The following GDPGP1 variants were observed in gnomAD, a reference collection of about 807,000 sequenced individuals.
GDPGP1 encodes GDP-D-glucose phosphorylase C15orf58.
GDPGP1 carries 18 observed loss-of-function variants against 19.2 expected under a neutral mutation model. The observed-to-expected ratio is 0.94, with a 90% confidence interval of 0.65 to 1.39. The LOEUF is 1.39. GDPGP1 is among the 40% of genes most tolerant of loss of function. GDPGP1 has a pLI of 0.00. For synonymous variants in GDPGP1, 219 were observed against 208.9 expected, an observed-to-expected ratio of 1.05 and a Z score of -0.42; for missense variants, 449 against 490.5, an observed-to-expected ratio of 0.92 and a Z score of 0.80.
chr15:90,235,128 C>T (rs1398987209), intron 2 of GDPGP1, among the ~76,000 whole-genome samples: 1 of 152,228 alleles, frequency 6.6e-6, no homozygotes, highest in Non-Finnish European at 1.5e-5. Context: ...CTCAGTCCCT[C>T]TTCCATCTCA....
rs1306826831 is a variant in GDPGP1, at chr15:90,245,052, G to C, written c.*2986G>C. 4 of 152,208 alleles carry C rather than the reference G, an allele frequency of 2.6e-5. No individual in the cohort carries two copies. The highest frequency in any genetic ancestry group is 9.7e-5 in the African/African-American group (4 of 41,448). The allele number at this position is 152,208 out of a possible 1,614,324, so 9.4% of individuals were successfully genotyped here. Reference sequence around the variant, plus strand: ...TAGCCCTGGCTTAGGCCTTCAGGTCGTTGGCTCCCTATACCTAGGCCTGTA... The same window carrying C: ...TAGCCCTGGCTTAGGCCTTCAGGTCCTTGGCTCCCTATACCTAGGCCTGTA... On this transcript the variant is annotated 3_prime_UTR_variant, in exon 4 of 4. Transcript: ENST00000329600.
Position 90,241,326 on chromosome 15 carries a change from C to A in GDPGP1, c.418C>A (p.Arg140=), listed in dbSNP as rs147221532. The change falls in exon 4 of 4, where the codon CGG becomes AGG. Residue 140 remains arginine, a synonymous_variant. Transcript: ENST00000329600. ...CGGAGAAGTCCTCTTCCGTTTGCAC[C>A]GGGAGCCTGATCTCCCTGGGACTCT... ...RPGEVLFRLH[R]EPDLPGTLLQ... 6 of 1,614,192 alleles carry A rather than the reference C, an allele frequency of 3.7e-6. No homozygotes were observed. In the South Asian group the frequency reaches 4.4e-5, roughly 12 times the overall value.
chr15:90,234,395 G>C (rs1962587749), intron 1 of GDPGP1, 103 bp downstream of exon 1: 1 of 153,084 alleles, frequency 6.5e-6, no homozygotes, highest in South Asian at 2.1e-4. Flanking sequence ...CTGAGTGGCG[G>C]GGGTCGTCGG....
rs78054010 is a variant in GDPGP1, at chr15:90,240,933, G to T, written c.25G>T (p.Glu9Ter). ...TATGGCTCTTCCACATGATTCAAAC[G>T]AAACTTCCTATTTGCTGCCTCCCAA... MALPHDSN[E>*]TSYLLPPNNE... Residue 9 changes from glutamate to a stop codon, truncating the protein, a stop_gained, in exon 4 of 4, where the codon GAA becomes TAA. Transcript: ENST00000329600. LOFTEE classifies it high-confidence loss of function. The T allele has an allele frequency of 6.2e-7, 1 of 1,613,730 alleles. No individual in the cohort carries two copies. Among genetic ancestry groups the T allele is most frequent in the Non-Finnish European group, 8.5e-7 (1 of 1,179,846 alleles).
In GDPGP1 at chr15:90,241,971, G is replaced by A. The variant is rs1567073471; in HGVS notation, c.1063G>A (p.Ala355Thr). The A allele has an allele frequency of 9.3e-6, 15 of 1,614,216 alleles. No individual in the cohort carries two copies. The highest frequency in any genetic ancestry group is 1.2e-5 in the Non-Finnish European group (14 of 1,180,044). The stretch of plus-strand genomic sequence containing the variant: ...CTTCAGCAGCCTGACAGAGGCAGCT[G>A]CTGTGGCCCTCATTCAGGACTGTCG... ...QDFSSLTEAA[A>T]VALIQDCRLP... Residue 355 changes from alanine (A) to threonine (T), a missense_variant, in exon 4 of 4, where the codon GCT (alanine) becomes ACT (threonine). By Grantham distance (58) the Ala-to-Thr change is moderately conservative. Transcript: ENST00000329600.
chr15:90,241,318 G>A lies in GDPGP1; in HGVS notation c.410G>A (p.Arg137His), dbSNP rs143773020. The A allele has an allele frequency of 1.5e-4, 240 of 1,614,156 alleles. No individual in the cohort carries two copies. In the African/African-American group the frequency reaches 2.8e-3, roughly 19 times the overall value. ...ATCCGGCCCGGAGAAGTCCTCTTCC[G>A]TTTGCACCGGGAGCCTGATCTCCCT... ...NKIRPGEVLF[R>H]LHREPDLPGT... The change falls in exon 4 of 4, where the codon CGT becomes CAT. Residue 137 changes from arginine to histidine, a missense_variant. Physicochemically the swap from Arg to His is conservative, Grantham distance 29 (BLOSUM62 0). Transcript: ENST00000329600.
Position 90,241,331 on chromosome 15 carries a change from G to C in GDPGP1, c.423G>C (p.Glu141Asp). Residue 141 changes from glutamate to aspartate, a missense_variant, in exon 4 of 4, where the codon GAG becomes GAC. Transcript: ENST00000329600. Reference sequence around the variant, plus strand: ...AAGTCCTCTTCCGTTTGCACCGGGAGCCTGATCTCCCTGGGACTCTGCTGC... The same window carrying C: ...AAGTCCTCTTCCGTTTGCACCGGGACCCTGATCTCCCTGGGACTCTGCTGC... ...PGEVLFRLHR[E>D]PDLPGTLLQE... 3 of 1,614,234 alleles carry C rather than the reference G, an allele frequency of 1.9e-6. No individual in the cohort carries two copies. Among genetic ancestry groups the C allele is most frequent in the Non-Finnish European group, 2.5e-6 (3 of 1,180,056 alleles).
Position 90,235,416 on chromosome 15 carries a change from A to T in GDPGP1, c.-67+820A>T, listed in dbSNP as rs550977216. ...CCCCATCTCTACTAAAAATACAAAAATTAGCCAGACATGGTTAAACCTGGG... is the reference window on the plus strand; with the variant it reads ...CCCCATCTCTACTAAAAATACAAAATTTAGCCAGACATGGTTAAACCTGGG... On this transcript the variant is annotated intron_variant, in intron 2 of 3. Transcript: ENST00000329600. Among the ~76,000 whole-genome samples the T allele has an allele frequency of 2.5e-4, 38 of 152,216 alleles. 1 individual carries two copies. In the South Asian group the frequency reaches 5.0e-3, roughly 20 times the overall value.
At position 90,242,120 on chromosome 15, in the gene GDPGP1, A is replaced by T; in HGVS notation, c.*54A>T. ...TTCTTTTCTTTTGAGATAGGGTCTC[A>T]CTCTGTCCCCAGGCTAGAGTGTAGT... On this transcript the variant is annotated 3_prime_UTR_variant, in exon 4 of 4. Coordinates refer to ENST00000329600, the MANE Select transcript of GDPGP1 (RefSeq NM_001013657.3). 1 of 1,428,148 alleles carries T rather than the reference A, an allele frequency of 7.0e-7. No homozygotes were observed. The highest frequency in any genetic ancestry group is 9.5e-7 in the Non-Finnish European group (1 of 1,048,234). The allele number at this position is 1,428,148 out of a possible 1,614,324, so 88.5% of individuals were successfully genotyped here.
chr15:90,242,749 G>A lies in GDPGP1; in HGVS notation c.*683G>A, dbSNP rs1962793838. The A allele has an allele frequency of 6.6e-6, 1 of 152,208 alleles. No homozygotes were observed. The highest frequency in any genetic ancestry group is 2.4e-5 in the African/African-American group (1 of 41,424). 9.4% of individuals were successfully genotyped at this position (152,208 alleles called of 1,614,324 possible). On this transcript the variant is annotated 3_prime_UTR_variant, in exon 4 of 4. Coordinates refer to ENST00000329600, the MANE Select transcript of GDPGP1 (RefSeq NM_001013657.3). ...GGCGTGAGCCACCACACCCAGCCAG[G>A]ATGTATTCATTTTCTACCTGATGAG...
rs1962808995 is a variant in GDPGP1, at chr15:90,243,627, C to T, written c.*1561C>T. 7.0e-6 allele frequency: 1 copy of T among 143,498 alleles called. No individual in the cohort carries two copies. The highest frequency in any genetic ancestry group is 1.5e-5 in the Non-Finnish European group (1 of 66,546). 8.9% of individuals were successfully genotyped at this position (143,498 alleles called of 1,614,324 possible). A position where few individuals can be genotyped will look rare whatever the true frequency, so the allele number is the denominator to read the frequency against. ...CTCCCAGAGTGCTAAGATGCCACCA[C>T]ACCTTGGTGCAGGTTTTTTTTTTTT... On this transcript the variant is annotated 3_prime_UTR_variant, in exon 4 of 4. Transcript: ENST00000329600.
In GDPGP1 at chr15:90,241,139, C is replaced by T. The variant is rs1962745520; in HGVS notation, c.231C>T (p.Arg77=). 3 of 1,614,166 alleles carry T rather than the reference C, an allele frequency of 1.9e-6. No homozygotes were observed. Among genetic ancestry groups the T allele is most frequent in the East Asian group, 2.2e-5 (1 of 44,886 alleles). ...AGCGGGTGGAGCTGGGGCTGTTTCG[C>T]TACCGTCTACGGGAGCTACAGACCC... ...WKQRVELGLF[R]YRLRELQTQI... Residue 77 remains arginine (R), a synonymous_variant, in exon 4 of 4, where the codon CGC becomes CGT. Coordinates refer to ENST00000329600, the MANE Select transcript of GDPGP1 (RefSeq NM_001013657.3).
rs1451523964 is a variant in GDPGP1 at position 90,242,040 on chromosome 15, G to A, written c.1132G>A (p.Ala378Thr). The A allele has an allele frequency of 1.2e-6, 2 of 1,609,258 alleles. No homozygotes were observed. The highest frequency in any genetic ancestry group is 4.5e-5 in the East Asian group (2 of 44,802). ...QAEDVQAALV[A>T]LMSQEEQ is the part of the protein sequence containing the mutation. ...AGAAGACGTACAGGCAGCACTGGTG[G>A]CCCTGATGTCCCAGGAAGAGCAATA... The change falls in exon 4 of 4, where the codon GCC becomes ACC. Residue 378 changes from alanine to threonine, a missense_variant. Transcript: ENST00000329600.
At position 90,241,157 on chromosome 15, in the gene GDPGP1, A is replaced by G. The variant is rs1962746348; in HGVS notation, c.249A>G (p.Leu83=). Residue 83 remains leucine (L), a synonymous_variant, in exon 4 of 4, where the codon CTA becomes CTG. Transcript: ENST00000329600. The part of the protein sequence containing the change: ...LGLFRYRLRE[L]QTQILPGAVG... Reference sequence around the variant, plus strand: ...TGTTTCGCTACCGTCTACGGGAGCTACAGACCCAAATCCTCCCTGGTGCTG... The same window carrying G: ...TGTTTCGCTACCGTCTACGGGAGCTGCAGACCCAAATCCTCCCTGGTGCTG... 6.2e-7 allele frequency: 1 copy of G among 1,614,160 alleles called. No individual in the cohort carries two copies. Among genetic ancestry groups the G allele is most frequent in the Non-Finnish European group, 8.5e-7 (1 of 1,180,006 alleles).
Position 90,240,820 on chromosome 15 carries a change from A to AT in GDPGP1, c.-9-80_-9-79insT, listed in dbSNP as rs201239392. On this transcript the variant is annotated intron_variant, in intron 3 of 3. Coordinates refer to ENST00000329600, the MANE Select transcript of GDPGP1 (RefSeq NM_001013657.3). ...CAGAGTGAGACTCCATCTCAAAAAA[A>AT]AAAATAAATAAATAAATACAATGAC... is the stretch of plus-strand genomic sequence containing the variant. The AT allele has an allele frequency of 6.1e-3, 5,892 of 958,732 alleles. 195 individuals are homozygous for AT. In the African/African-American group the frequency reaches 0.077, roughly 13 times the overall value. The allele number at this position is 958,732 out of a possible 1,614,324, so 59.4% of individuals were successfully genotyped here.
chr15:90,237,778 C>A (rs572357717), intron 2 of GDPGP1, among the ~76,000 whole-genome samples: 16 of 151,576 alleles, frequency 1.1e-4, no homozygotes, highest in African/African-American at 3.4e-4. Flanking sequence ...AGATAAGATT[C>A]TCTTTTATTA....
chr15:90,242,025 C>T lies in GDPGP1; in HGVS notation c.1117C>T (p.Gln373Ter). 2 of 1,613,562 alleles carry T rather than the reference C, an allele frequency of 1.2e-6. No individual in the cohort carries two copies. Among genetic ancestry groups the T allele is most frequent in the East Asian group, 2.2e-5 (1 of 44,866 alleles). The change falls in exon 4 of 4, where the codon CAG becomes TAG. Residue 373 changes from glutamine to a stop codon, truncating the protein, a stop_gained. Transcript: ENST00000329600. LOFTEE classifies it high-confidence loss of function. ...RLPPSQAEDV[Q>*]AALVALMSQE... ...GCCCCCATCCCAGGCAGAAGACGTACAGGCAGCACTGGTGGCCCTGATGTC... is the reference window on the plus strand; with the variant it reads ...GCCCCCATCCCAGGCAGAAGACGTATAGGCAGCACTGGTGGCCCTGATGTC...
rs1962848741 is a variant in GDPGP1 at position 90,245,739 on chromosome 15, A to G, written c.*3673A>G. On this transcript the variant is annotated 3_prime_UTR_variant, in exon 4 of 4. Transcript: ENST00000329600. ...CTCCGTAGGACTGATGTTTAGAGGAAAGCCTTCCCTGACTCAAATATGTTT... is the reference window on the plus strand; with the variant it reads ...CTCCGTAGGACTGATGTTTAGAGGAGAGCCTTCCCTGACTCAAATATGTTT... 1 of 152,168 alleles carries G rather than the reference A, an allele frequency of 6.6e-6. No homozygotes were observed. The highest frequency in any genetic ancestry group is 2.1e-4 in the South Asian group (1 of 4,828). The allele number at this position is 152,168 out of a possible 1,614,324, so 9.4% of individuals were successfully genotyped here. A position where few individuals can be genotyped will look rare whatever the true frequency, so the allele number is the denominator to read the frequency against.
In GDPGP1 at chr15:90,242,253, CTTTTTTTT is replaced by C. The variant is rs141541505; in HGVS notation, c.*205_*212del. The C allele has an allele frequency of 0.011, 968 of 89,074 alleles. No homozygotes were observed. The highest frequency in any genetic ancestry group is 0.026 in the Middle Eastern group (6 of 228). 5.5% of individuals were successfully genotyped at this position (89,074 alleles called of 1,614,324 possible). ...TAGGCGTGCACCACCACACACCTGG[CTTTTTTTT>C]TTTTTTTTTTTTTTTTTAACGATTA... On this transcript the variant is annotated 3_prime_UTR_variant, in exon 4 of 4. Coordinates refer to ENST00000329600, the MANE Select transcript of GDPGP1 (RefSeq NM_001013657.3).
Sources: gnomAD v4.1 joint callset for allele counts (sites outside exome capture counted in the v4.1 genomes callset) on GRCh38, gnomAD v4.1.1 for gene constraint, MANE v1.5 for transcripts, NCBI Gene and HGNC (gene_info 2026-07-23, HGNC 2026-07-21) for gene names.